Variants in EIF2S2 observed in about 807,000 individuals in gnomAD.
EIF2S2 encodes the protein eukaryotic translation initiation factor 2 subunit 2.
Under a neutral mutation model 44.0 loss-of-function variants are expected in EIF2S2, and 4 were observed. The ratio of observed to expected loss-of-function variants is 0.09; its 90% CI spans 0.04 to 0.21. EIF2S2 has a LOEUF of 0.21. Among genes scored for constraint, EIF2S2 ranks in the 10% least tolerant of loss-of-function variants. The pLI is 1.00. For missense variants in EIF2S2, 154 were observed against 392.0 expected, an observed-to-expected ratio of 0.39 and a Z score of 5.13; for synonymous variants, 108 against 128.3, an observed-to-expected ratio of 0.84 and a Z score of 1.07.
chr20:34,103,710 C>CTTT, intron 2 of EIF2S2, 145 bp from the exon 3 acceptor site: 25 of 964,858 alleles, frequency 2.6e-5, no homozygotes, highest in East Asian at 1.2e-4. Flanking sequence ...ACTTATGGTT[C>CTTT]TTTTTTTTTT....
intron 7 of EIF2S2, among the ~76,000 whole-genome samples, chr20:34,093,268 T>G (rs1244235367): frequency 6.6e-6 from 1 of 152,194 alleles, no homozygotes; most frequent in Non-Finnish European, 1.5e-5. Flanking sequence ...GTTTCAATGG[T>G]TTCTCCAGTG....
chr20:34,111,702 G>A (rs1312336596), intron 1 of EIF2S2, among the ~76,000 whole-genome samples: 3 of 152,346 alleles, frequency 2.0e-5, no homozygotes, highest in East Asian at 3.9e-4. Flanking sequence ...GGCTCCTCGC[G>A]GCACCCCTGG....
At chr20:34,108,321 C>T (rs2034371598) in intron 1 of EIF2S2, 1 of 152,130 alleles carries the variant, frequency 6.6e-6, no homozygotes, top group South Asian at 2.1e-4. Flanking sequence ...AAATAATTAA[C>T]ATCTCTCTCA....
chr20:34,097,803 GAATA>G (rs1483364231), intron 4 of EIF2S2, among the ~76,000 whole-genome samples: 1 of 152,096 alleles, frequency 6.6e-6, no homozygotes, highest in Non-Finnish European at 1.5e-5. Context: ...TAATGCATTG[GAATA>G]ATTAGAGGAA....
Position 34,098,562 on chromosome 20 carries a change from A to C in EIF2S2, c.369T>G (p.Asn123Lys). Residue 123 changes from asparagine (N) to lysine (K), a missense_variant, in exon 4 of 9, where the codon AAT (asparagine) becomes AAG (lysine). Coordinates refer to ENST00000374980, the MANE Select transcript of EIF2S2 (RefSeq NM_003908.5). The stretch of plus-strand genomic sequence containing the variant: ...TAACATTCTTCTTTTTCTTCTTTTT[A>C]TTGCCAAGCATAATGTCAAGGTCAT... ...PEDDLDIMLG[N>K]KKKKKKNVKF... 6.2e-7 allele frequency: 1 copy of C among 1,613,876 alleles called. No homozygotes were observed. The highest frequency in any genetic ancestry group is 8.5e-7 in the Non-Finnish European group (1 of 1,179,980).
At chr20:34,104,296 C>T (rs1183551127) in intron 2 of EIF2S2, among the ~76,000 whole-genome samples, 2 of 152,164 alleles carry the variant, frequency 1.3e-5, no homozygotes, top group Admixed American at 6.5e-5. Context: ...CAAACCTTCC[C>T]GTGGGCCCTC....
At chr20:34,096,878 T>G (rs2122405855) in intron 5 of EIF2S2, 73 bp from the exon 6 acceptor site, 1 of 1,460,852 alleles carries the variant, frequency 6.8e-7, no homozygotes, top group Non-Finnish European at 9.2e-7. Flanking sequence ...TTGAGTCATG[T>G]TGCTTAACAG....
rs904873198 is a variant in EIF2S2 at position 34,088,811 on chromosome 20, C to T, written c.*919G>A. On this transcript the variant is annotated 3_prime_UTR_variant, in exon 9 of 9. Coordinates refer to ENST00000374980, the MANE Select transcript of EIF2S2 (RefSeq NM_003908.5). ...GGTTTCTCATGGTCATATTCAAAAG[C>T]GACTTTTAAATCAGAAAATAGAAAA... The T allele has an allele frequency of 1.3e-5, 2 of 152,152 alleles. No individual in the cohort carries two copies. Among genetic ancestry groups the T allele is most frequent in the Admixed American group, 6.5e-5 (1 of 15,278 alleles). 9.4% of individuals were successfully genotyped at this position (152,152 alleles called of 1,614,324 possible).
At chr20:34,107,543 C>T (rs116069084) in intron 1 of EIF2S2, among the ~76,000 whole-genome samples, 2,716 of 152,108 alleles carry the variant, frequency 0.018, 78 homozygotes, top group African/African-American at 0.063. Context: ...CGTAAGTACT[C>T]GATAAATATT....
intron 6 of EIF2S2, among the ~76,000 whole-genome samples, chr20:34,094,080 T>TG (rs1463262994): frequency 6.6e-6 from 1 of 152,160 alleles, no homozygotes; most frequent in Non-Finnish European, 1.5e-5. Flanking sequence ...TGTGTAGAGA[T>TG]GGGGTCTCAC....
rs1403726758 is a variant in EIF2S2 at position 34,089,428 on chromosome 20, A to G, written c.*302T>C. On this transcript the variant is annotated 3_prime_UTR_variant, in exon 9 of 9. Coordinates refer to ENST00000374980, the MANE Select transcript of EIF2S2 (RefSeq NM_003908.5). ...AGAAAAGAAAACTGAAGGACAAACC[A>G]AATTGAAAGAATCACTGTTATAATA... 3.4e-6 allele frequency: 1 copy of G among 290,284 alleles called. No homozygotes were observed. The highest frequency in any genetic ancestry group is 7.4e-5 in the East Asian group (1 of 13,546). 18.0% of individuals were successfully genotyped at this position (290,284 alleles called of 1,614,324 possible).
At chr20:34,108,973 T>C (rs2034379783) in intron 1 of EIF2S2, among the ~76,000 whole-genome samples, 1 of 151,706 alleles carries the variant, frequency 6.6e-6, no homozygotes, top group South Asian at 2.1e-4. Flanking sequence ...AGTCTCACTA[T>C]GTTGCCCAGG....
chr20:34,090,405 C>G, intron 8 of EIF2S2, 112 bp downstream of exon 8: 1 of 625,372 alleles, frequency 1.6e-6, no homozygotes, highest in South Asian at 2.7e-5. Context: ...TGTCTCTGAT[C>G]TTTTTAAGGC....
At chr20:34,103,363 A>G in intron 3 of EIF2S2, 99 bp downstream of exon 3, 10 of 1,430,418 alleles carry the variant, frequency 7.0e-6, no homozygotes, top group Non-Finnish European at 9.2e-6. Flanking sequence ...TAATAACAAA[A>G]GCAAAGCTAG....
intron 1 of EIF2S2, among the ~76,000 whole-genome samples, chr20:34,109,945 A>G (rs957133515): frequency 6.6e-6 from 1 of 151,690 alleles, no homozygotes; most frequent in Non-Finnish European, 1.5e-5. Flanking sequence ...AATACAAAAA[A>G]AAAATTAGCT....
In EIF2S2 at chr20:34,103,709, T is replaced by TC. The variant is rs1491241264; in HGVS notation, c.194-145dup. 2.3e-5 allele frequency: 29 copies of TC among 1,246,358 alleles called. No individual in the cohort carries two copies. The African/African-American group carries it at 3.1e-4, about 13-fold the overall frequency. 77.2% of individuals were successfully genotyped at this position (1,246,358 alleles called of 1,614,324 possible). On this transcript the variant is annotated intron_variant, in intron 2 of 8. Coordinates refer to ENST00000374980, the MANE Select transcript of EIF2S2 (RefSeq NM_003908.5). Reference sequence around the variant, plus strand: ...CCTCCACAATCACAAAACTTATGGTTCTTTTTTTTTTTTTTGAGATGGAGT... The same window carrying TC: ...CCTCCACAATCACAAAACTTATGGTTCCTTTTTTTTTTTTTTGAGATGGAGT...
intron 1 of EIF2S2, 118 bp downstream of exon 1, chr20:34,111,978 C>T (rs115554341): frequency 3.4e-6 from 4 of 1,171,782 alleles, no homozygotes; most frequent in Admixed American, 8.3e-5. Flanking sequence ...GCCGCCTAGG[C>T]GCGGCTGCCT....
intron 1 of EIF2S2, among the ~76,000 whole-genome samples, chr20:34,108,785 A>G (rs2034377018): frequency 6.6e-6 from 1 of 152,186 alleles, no homozygotes; most frequent in African/African-American, 2.4e-5. Context: ...ACCTTACCCA[A>G]GAAATCAACT....
chr20:34,093,918 G>GGT (rs1014088204), intron 6 of EIF2S2, among the ~76,000 whole-genome samples, 187 bp from the exon 7 acceptor site: 77 of 152,180 alleles, frequency 5.1e-4, no homozygotes, highest in African/African-American at 1.9e-3. Context: ...TAAGAGACAG[G>GGT]GTCTTGTTTT....
Sources: allele counts gnomAD v4.1 joint callset (sites outside exome capture counted in the v4.1 genomes callset), GRCh38; gene constraint gnomAD v4.1.1; transcripts MANE v1.5; gene names NCBI Gene and HGNC (gene_info 2026-07-23, HGNC 2026-07-21).